Variants in GALNT13 observed in about 807,000 individuals in gnomAD.
The protein encoded by GALNT13 is polypeptide N-acetylgalactosaminyltransferase 13.
In GALNT13, 28 loss-of-function variants were observed where a neutral mutation model predicts 64.2. The ratio of observed to expected loss-of-function variants is 0.44; its 90% CI spans 0.32 to 0.60. The LOEUF is 0.60. Among genes scored for constraint, GALNT13 ranks in the 20% least tolerant of loss-of-function variants. The pLI, the probability that GALNT13 is intolerant of heterozygous loss-of-function variation, is 0.05. For missense variants in GALNT13, 577 were observed against 669.8 expected (o/e 0.86, Z 1.53); for synonymous variants, 214 against 224.6 (o/e 0.95, Z 0.42).
the GALNT13 span, among the ~76,000 whole-genome samples, chr2:153,707,846 T>A: frequency 1.3e-5 from 2 of 152,210 alleles, no homozygotes; most frequent in African/African-American, 4.8e-5. Flanking sequence ...TAGATCACAC[T>A]GAGGTTATTG....
chr2:153,785,820 G>C, the GALNT13 span, among the ~76,000 whole-genome samples: 1 of 152,146 alleles, frequency 6.6e-6, no homozygotes, highest in Non-Finnish European at 1.5e-5. Context: ...CATATTTGCT[G>C]TTTCATAGCC....
chr2:153,355,113 A>G, the GALNT13 span, among the ~76,000 whole-genome samples: 19 of 152,190 alleles, frequency 1.2e-4, no homozygotes, highest in Admixed American at 1.1e-3. Flanking sequence ...ACGTTATTCA[A>G]TAGAGTAAAA....
Position 154,228,629 on chromosome 2 carries a change from C to A in GALNT13, c.312-13401C>A, listed in dbSNP as rs545257194. 2.0e-5 allele frequency among the ~76,000 whole-genome samples: 3 copies of A among 152,226 alleles called. 1 individual carries two copies. The highest frequency in any genetic ancestry group is 7.2e-5 in the African/African-American group (3 of 41,546). On this transcript the variant is annotated intron_variant, in intron 4 of 12. Coordinates refer to ENST00000392825, the MANE Select transcript of GALNT13 (RefSeq NM_052917.4). ...GAAGAAGGCTTTAATTGGGTGTTGC[C>A]ACCAAGGAGCTCAGTCTCAAATCTA...
At chr2:153,966,660 G>A (rs370336689) in intron 3 of GALNT13, among the ~76,000 whole-genome samples, 3 of 152,008 alleles carry the variant, frequency 2.0e-5, no homozygotes, top group African/African-American at 7.2e-5. Context: ...GAGCCACCGC[G>A]ACCGGCCCCG....
the GALNT13 span, among the ~76,000 whole-genome samples, chr2:153,383,591 C>A: frequency 1.3e-5 from 2 of 151,970 alleles, no homozygotes; most frequent in African/African-American, 2.4e-5. Context: ...GGTATATTTT[C>A]AGGCTTATCA....
chr2:153,119,578 A>C, the GALNT13 span, among the ~76,000 whole-genome samples: 1 of 152,242 alleles, frequency 6.6e-6, no homozygotes, highest in Non-Finnish European at 1.5e-5. Context: ...TGTATTTTAT[A>C]CATCTTAATG....
the GALNT13 span, among the ~76,000 whole-genome samples, chr2:153,827,736 C>A: frequency 6.6e-6 from 1 of 152,126 alleles, no homozygotes; most frequent in Non-Finnish European, 1.5e-5. Flanking sequence ...TCATTCCTTC[C>A]CAGCAGTCCT....
intron 4 of GALNT13, among the ~76,000 whole-genome samples, chr2:154,240,623 G>T (rs1689429820): frequency 6.6e-6 from 1 of 152,126 alleles, no homozygotes; most frequent in African/African-American, 2.4e-5. Context: ...CAGGTTGTGG[G>T]GCTCCGACCC....
intron 4 of GALNT13, among the ~76,000 whole-genome samples, chr2:154,169,871 C>G (rs1685257417): frequency 6.6e-6 from 1 of 151,976 alleles, no homozygotes; most frequent in Non-Finnish European, 1.5e-5. Flanking sequence ...GGCTGACTCT[C>G]TCTCTCTCTT....
chr2:153,460,041 T>A, the GALNT13 span, among the ~76,000 whole-genome samples: 1 of 152,144 alleles, frequency 6.6e-6, no homozygotes, highest in Non-Finnish European at 1.5e-5. Flanking sequence ...TAAATTAAAA[T>A]AAATGCATTT....
chr2:153,881,432 T>C (rs1408207222), intron 1 of GALNT13, among the ~76,000 whole-genome samples: 3 of 152,180 alleles, frequency 2.0e-5, no homozygotes, highest in Non-Finnish European at 4.4e-5. Context: ...GCAGACATTT[T>C]GTCAAAAATT....
the GALNT13 span, among the ~76,000 whole-genome samples, chr2:153,654,265 A>G: frequency 2.6e-5 from 4 of 152,152 alleles, no homozygotes; most frequent in African/African-American, 2.4e-5. Context: ...TTAAATTTAA[A>G]TAGTCTTATA....
chr2:153,362,441 TAA>T, the GALNT13 span, among the ~76,000 whole-genome samples: 2 of 147,794 alleles, frequency 1.4e-5, no homozygotes, highest in Admixed American at 7.0e-5. Flanking sequence ...GAAAATTGAA[TAA>T]AGAGTCAAGA....
the GALNT13 span, among the ~76,000 whole-genome samples, chr2:153,669,924 C>T: frequency 5.0e-5 from 7 of 140,378 alleles, no homozygotes; most frequent in Admixed American, 8.2e-5. Context: ...ACTGCTAGTG[C>T]GGCAGTCTGA....
the GALNT13 span, among the ~76,000 whole-genome samples, chr2:153,620,040 G>C: frequency 6.6e-6 from 1 of 151,994 alleles, no homozygotes; most frequent in African/African-American, 2.4e-5. Context: ...AAACCTCCTA[G>C]TCCTGTATCT....
chr2:154,258,155 A>C (rs1159865423), intron 7 of GALNT13, among the ~76,000 whole-genome samples: 1 of 152,052 alleles, frequency 6.6e-6, no homozygotes, highest in Non-Finnish European at 1.5e-5. Context: ...CTTCTTTTTA[A>C]CCTTTAATTT....
At chr2:153,288,862 G>T in the GALNT13 span, among the ~76,000 whole-genome samples, 1 of 152,086 alleles carries the variant, frequency 6.6e-6, no homozygotes, top group Admixed American at 6.5e-5. Flanking sequence ...GGATAAGAAG[G>T]GGCTACTGTA....
intron 9 of GALNT13, among the ~76,000 whole-genome samples, chr2:154,330,771 A>G (rs987514271): frequency 1.3e-4 from 20 of 152,128 alleles, no homozygotes; most frequent in Non-Finnish European, 2.6e-4. Flanking sequence ...ATGCTGTCTA[A>G]TATAGTGAAC....
chr2:153,175,962 T>A, the GALNT13 span, among the ~76,000 whole-genome samples: 1 of 151,868 alleles, frequency 6.6e-6, no homozygotes, highest in Non-Finnish European at 1.5e-5. Flanking sequence ...AAGAGTAAAA[T>A]CTCCACTAGT....
Sources: gnomAD v4.1 joint callset for allele counts (sites outside exome capture counted in the v4.1 genomes callset) on GRCh38, gnomAD v4.1.1 for gene constraint, MANE v1.5 for transcripts, NCBI Gene and HGNC (gene_info 2026-07-23, HGNC 2026-07-21) for gene names.